CCDC146: variants seen among roughly 807,000 people sequenced by gnomAD.
CCDC146 encodes the protein coiled-coil domain-containing protein 146.
Under a neutral mutation model 119.3 loss-of-function variants are expected in CCDC146, and 92 were observed. The observed-to-expected ratio is 0.77, with a 90% confidence interval of 0.65 to 0.92. CCDC146 has a LOEUF of 0.92. CCDC146 is among the 40% of genes least tolerant of loss of function. The pLI, the probability that CCDC146 is intolerant of heterozygous loss-of-function variation, is 0.00. For synonymous variants in CCDC146, 372 were observed against 371.8 expected, an observed-to-expected ratio of 1.00 and a Z score of -0.01; for missense variants, 1,000 against 1,103.0, an observed-to-expected ratio of 0.91 and a Z score of 1.32.
chr7:77,145,952 A>G (rs994441696), intron 1 of CCDC146, among the ~76,000 whole-genome samples: 2 of 152,032 alleles, frequency 1.3e-5, no homozygotes, highest in African/African-American at 4.8e-5. Context: ...TGCAGAGCTG[A>G]GTTCAATTCC....
At chr7:77,197,667 C>G (rs996611027) in intron 2 of CCDC146, among the ~76,000 whole-genome samples, 1 of 152,136 alleles carries the variant, frequency 6.6e-6, no homozygotes, top group Non-Finnish European at 1.5e-5. Context: ...TGTTAAAATC[C>G]TAATGCATAG....
intron 1 of CCDC146, among the ~76,000 whole-genome samples, chr7:77,162,281 C>T (rs1324221391): frequency 6.6e-6 from 1 of 151,852 alleles, no homozygotes; most frequent in East Asian, 1.9e-4. Context: ...GCTTTCAGAT[C>T]TCATGTTTAA....
intron 16 of CCDC146, 136 bp downstream of exon 16, chr7:77,287,062 T>A: frequency 1.0e-6 from 1 of 957,374 alleles, no homozygotes; most frequent in Non-Finnish European, 1.6e-6. Flanking sequence ...CCTTTTGTTG[T>A]AATCTAGTCA....
intron 2 of CCDC146, among the ~76,000 whole-genome samples, chr7:77,219,620 A>C (rs1297151749): frequency 2.0e-5 from 3 of 152,244 alleles, no homozygotes; most frequent in Non-Finnish European, 4.4e-5. Flanking sequence ...AGAACTTTTA[A>C]ATGTAACACT....
chr7:77,224,481 C>G (rs909289273), intron 2 of CCDC146, among the ~76,000 whole-genome samples: 8 of 152,232 alleles, frequency 5.3e-5, no homozygotes, highest in African/African-American at 1.9e-4. Flanking sequence ...CCACAATAAT[C>G]TCCCCATCTC....
chr7:77,292,604 G>C (rs544470201), intron 17 of CCDC146, among the ~76,000 whole-genome samples: 1 of 135,622 alleles, frequency 7.4e-6, no homozygotes, highest in Admixed American at 7.6e-5. Context: ...GCGACAGAGC[G>C]AGACTCAGTC....
intron 1 of CCDC146, among the ~76,000 whole-genome samples, chr7:77,152,441 CA>C (rs1393068614): frequency 6.6e-6 from 1 of 151,958 alleles, no homozygotes; most frequent in African/African-American, 2.4e-5. Context: ...ACTTATGCAA[CA>C]AAAAAAGGAG....
intron 9 of CCDC146, 32 bp from the exon 10 acceptor site, chr7:77,273,662 A>G (rs1484280784): frequency 2.6e-6 from 4 of 1,512,034 alleles, no homozygotes; most frequent in East Asian, 2.3e-5. Flanking sequence ...TATTTCTTAC[A>G]TAAATGCATG....
At chr7:77,204,755 G>C (rs1792053434) in intron 2 of CCDC146, among the ~76,000 whole-genome samples, 1 of 152,158 alleles carries the variant, frequency 6.6e-6, no homozygotes, top group African/African-American at 2.4e-5. Context: ...GATCATGAAG[G>C]ATCCAAAAGG....
chr7:77,262,175 T>C lies in CCDC146; in HGVS notation c.1041T>C (p.His347=), dbSNP rs745845161. The part of the protein sequence containing the change: ...RNSLIDKQNY[H]DELSRKQREK... ...GTCTCATTGACAAGCAGAACTACCA[T>C]GATGAACTTTCTCGTAAGCAAAGAG... The change falls in exon 9 of 19, where the codon CAT becomes CAC. Residue 347 remains histidine (H), a synonymous_variant. Coordinates refer to ENST00000285871, the MANE Select transcript of CCDC146 (RefSeq NM_020879.3). 1.2e-6 allele frequency: 2 copies of C among 1,613,830 alleles called. No homozygotes were observed. Among genetic ancestry groups the C allele is most frequent in the Admixed American group, 1.7e-5 (1 of 59,958 alleles).
intron 1 of CCDC146, among the ~76,000 whole-genome samples, chr7:77,136,884 A>G (rs1453306123): frequency 6.6e-6 from 1 of 152,234 alleles, no homozygotes. Context: ...TCAACAATGT[A>G]TAAAAATAAT....
chr7:77,167,028 C>T (rs902393187), intron 1 of CCDC146, among the ~76,000 whole-genome samples: 1 of 152,140 alleles, frequency 6.6e-6, no homozygotes, highest in Non-Finnish European at 1.5e-5. Context: ...AAACTATTTG[C>T]AATTGTAATA....
At chr7:77,231,762 C>T (rs533482068) in intron 2 of CCDC146, among the ~76,000 whole-genome samples, 1 of 150,330 alleles carries the variant, frequency 6.7e-6, no homozygotes, top group Admixed American at 6.6e-5. Context: ...TCTTTGAAGT[C>T]TTTGTTAAAT....
chr7:77,249,486 CAAAA>C lies in CCDC146; in HGVS notation c.450-5002_450-4999del, dbSNP rs36137608. ...CTGGCGACAGATTGAGACTCTGTCT[CAAAA>C]AAAAAAAAAAAAAAAAAGAATTCAT... On this transcript the variant is annotated intron_variant, in intron 4 of 18. Transcript: ENST00000285871. 1.8e-3 allele frequency among the ~76,000 whole-genome samples: 172 copies of C among 96,692 alleles called. 2 individuals are homozygous for C. Among genetic ancestry groups the C allele is most frequent in the African/African-American group, 6.3e-3 (162 of 25,628 alleles). The allele number at this position is 96,692 out of a possible 152,430, so 63.4% of individuals were successfully genotyped here.
At chr7:77,180,715 T>C (rs1051036186) in intron 2 of CCDC146, among the ~76,000 whole-genome samples, 2 of 152,166 alleles carry the variant, frequency 1.3e-5, no homozygotes, top group Non-Finnish European at 2.9e-5. Context: ...ATCCCTCCTT[T>C]AAAAATTTTT....
At chr7:77,154,497 T>C (rs1237289059) in intron 1 of CCDC146, among the ~76,000 whole-genome samples, 1 of 131,290 alleles carries the variant, frequency 7.6e-6, no homozygotes, top group Non-Finnish European at 1.6e-5. Context: ...GATGTTCCCC[T>C]TCCTGTGTCC....
In CCDC146 at chr7:77,279,061, G is replaced by T. The variant is rs1764114775; in HGVS notation, c.1654G>T (p.Glu552Ter). Reference sequence around the variant, plus strand: ...AGAAAGGCATAAAATGTCATTAAATGAACTTGAAATTCTGAGAAATAGTGC... The same window carrying T: ...AGAAAGGCATAAAATGTCATTAAATTAACTTGAAATTCTGAGAAATAGTGC... The part of the protein sequence containing the change: ...IKERHKMSLN[E>*]LEILRNSAVS... Residue 552 changes from glutamate (E) to a stop codon, truncating the protein, a stop_gained, in exon 13 of 19, where the codon GAA becomes TAA. Coordinates refer to ENST00000285871, the MANE Select transcript of CCDC146 (RefSeq NM_020879.3). LOFTEE classifies it high-confidence loss of function. 5.0e-6 allele frequency: 8 copies of T among 1,610,752 alleles called. No individual in the cohort carries two copies. Among genetic ancestry groups the T allele is most frequent in the South Asian group, 1.1e-5 (1 of 90,302 alleles).
At chr7:77,173,732 C>T (rs2150411794) in intron 2 of CCDC146, among the ~76,000 whole-genome samples, 1 of 152,238 alleles carries the variant, frequency 6.6e-6, no homozygotes, top group South Asian at 2.1e-4. Flanking sequence ...TTGGCCATTG[C>T]TGCGTAACTA....
rs1793787148 is a variant in CCDC146 at position 77,282,792 on chromosome 7, G to T, written c.2148+7G>T. 1 of 1,595,160 alleles carries T rather than the reference G, an allele frequency of 6.3e-7. No individual in the cohort carries two copies. The highest frequency in any genetic ancestry group is 8.6e-7 in the Non-Finnish European group (1 of 1,163,206). On this transcript the variant is annotated splice_region_variant and intron_variant, in intron 15 of 18. Coordinates refer to ENST00000285871, the MANE Select transcript of CCDC146 (RefSeq NM_020879.3). ...AGCTGTGCTCCAAATTCAGGTGGGT[G>T]AGTGATCACGGGACACTTCCTCAGA...
Sources: allele counts gnomAD v4.1 joint callset (sites outside exome capture counted in the v4.1 genomes callset), GRCh38; gene constraint gnomAD v4.1.1; transcripts MANE v1.5; gene names NCBI Gene and HGNC (gene_info 2026-07-23, HGNC 2026-07-21).